Variants in FILIP1 observed in about 807,000 individuals in gnomAD.
FILIP1 encodes the protein filamin-A-interacting protein 1.
Under a neutral mutation model 102.1 loss-of-function variants are expected in FILIP1, and 61 were observed. The observed-to-expected ratio is 0.60, with a 90% confidence interval of 0.49 to 0.74. The LOEUF is 0.74. Ranked by LOEUF, FILIP1 falls within the 30% of genes least tolerant of loss-of-function variation. The probability of loss-of-function intolerance (pLI) is 0.00; values close to 1 mark genes in which losing one functional copy is unlikely to be tolerated. For synonymous variants in FILIP1, 491 were observed against 526.9 expected (o/e 0.93, Z 0.93); for missense variants, 1,314 against 1,441.2 (o/e 0.91, Z 1.43).
intron 2 of FILIP1, among the ~76,000 whole-genome samples, chr6:75,397,038 A>T (rs1776485796): frequency 7.6e-6 from 1 of 132,006 alleles, no homozygotes; most frequent in Non-Finnish European, 1.6e-5. Context: ...GGGGGGAGGG[A>T]TAGCATTAGG....
chr6:75,390,470 C>T (rs774958828), intron 2 of FILIP1, among the ~76,000 whole-genome samples: 8 of 152,084 alleles, frequency 5.3e-5, no homozygotes, highest in Non-Finnish European at 1.0e-4. Flanking sequence ...GTGGCATCTG[C>T]TTTTGGGGAG....
chr6:75,325,387 A>C (rs1266715940), intron 4 of FILIP1, among the ~76,000 whole-genome samples: 1 of 152,196 alleles, frequency 6.6e-6, no homozygotes, highest in African/African-American at 2.4e-5. Flanking sequence ...GCGCCACTGC[A>C]CTCCAGCCTG....
At position 75,313,615 on chromosome 6, in the gene FILIP1, A is replaced by T; in HGVS notation, c.2217T>A (p.Asp739Glu). The T allele has an allele frequency of 6.2e-7, 1 of 1,606,688 alleles. No homozygotes were observed. The highest frequency in any genetic ancestry group is 8.5e-7 in the Non-Finnish European group (1 of 1,178,006). The change falls in exon 5 of 6, where the codon GAT becomes GAA. Residue 739 changes from aspartate (D) to glutamate (E), a missense_variant. Asp to Glu is a conservative substitution (Grantham distance 45). Transcript: ENST00000237172. The surrounding 1 kb of genome is among the most constrained non-coding windows in gnomAD (Gnocchi z 4.2). ...EKIHELMNKEDQLSQLQVDYS... is the reference protein window; with the variant it reads ...EKIHELMNKEEQLSQLQVDYS... ...AATCTACCTGGAGCTGAGAAAGCTGATCTTCTTTGTTCATTAATTCGTGAA... is the reference window on the plus strand; with the variant it reads ...AATCTACCTGGAGCTGAGAAAGCTGTTCTTCTTTGTTCATTAATTCGTGAA...
At chr6:75,490,030 C>A (rs576167727) in intron 1 of FILIP1, among the ~76,000 whole-genome samples, 17 of 151,932 alleles carry the variant, frequency 1.1e-4, no homozygotes, top group Non-Finnish European at 2.4e-4. Context: ...GTGGATTAAA[C>A]AAACTCTGTA....
Position 75,313,417 on chromosome 6 carries a change from G to C in FILIP1, c.2415C>G (p.Val805=). 1 of 1,614,154 alleles carries C rather than the reference G, an allele frequency of 6.2e-7. No individual in the cohort carries two copies. Among genetic ancestry groups the C allele is most frequent in the Non-Finnish European group, 8.5e-7 (1 of 1,180,032 alleles). The part of the protein sequence containing the change: ...MVDVPVTSTG[V]QTDAVSGEAA... ...CTTCACCGCTGACTGCATCAGTTTG[G>C]ACTCCAGTTGACGTCACAGGAACAT... The change falls in exon 5 of 6, where the codon GTC becomes GTG. Residue 805 remains valine (V), a synonymous_variant. Transcript: ENST00000237172. The surrounding 1 kb of genome is among the most constrained non-coding windows in gnomAD (Gnocchi z 4.2).
chr6:75,304,351 A>G (rs1424046687), downstream of FILIP1, among the ~76,000 whole-genome samples: 1 of 152,110 alleles, frequency 6.6e-6, no homozygotes, highest in Non-Finnish European at 1.5e-5. Flanking sequence ...AGCTGGGATT[A>G]AAGGGATGCA....
intron 4 of FILIP1, among the ~76,000 whole-genome samples, chr6:75,321,723 A>G (rs796098514): frequency 1.6e-4 from 24 of 151,978 alleles, no homozygotes; most frequent in African/African-American, 4.8e-4. Context: ...GAACCCGGGA[A>G]GCGGAGCTTG....
intron 6 of FILIP1, among the ~76,000 whole-genome samples, chr6:75,303,018 A>T (rs1231516402): frequency 2.0e-5 from 3 of 152,104 alleles, no homozygotes; most frequent in Non-Finnish European, 4.4e-5. Flanking sequence ...TGGTAGGGGA[A>T]ATGGAGAGGA....
At chr6:75,372,858 T>C (rs1468438999) in intron 2 of FILIP1, among the ~76,000 whole-genome samples, 1 of 151,584 alleles carries the variant, frequency 6.6e-6, no homozygotes, top group Non-Finnish European at 1.5e-5. Context: ...GGTGCACTAG[T>C]GGTAGAAAAG....
rs546144966 is a variant in FILIP1 at position 75,378,538 on chromosome 6, C to T, written c.277-15621G>A. Among the ~76,000 whole-genome samples, 8 of 152,232 alleles carry T rather than the reference C, an allele frequency of 5.3e-5. No homozygotes were observed. The East Asian group carries it at 9.6e-4, about 18-fold the overall frequency. ...GGATTACAAATAAATGTTAGCATCCCGAATCTCTCAGCCTCCTTGTGACTG... is the reference window on the plus strand; with the variant it reads ...GGATTACAAATAAATGTTAGCATCCTGAATCTCTCAGCCTCCTTGTGACTG... On this transcript the variant is annotated intron_variant, in intron 2 of 5. Transcript: ENST00000237172.
chr6:75,401,970 G>C (rs899016862), intron 2 of FILIP1, among the ~76,000 whole-genome samples: 3 of 152,098 alleles, frequency 2.0e-5, no homozygotes, highest in African/African-American at 7.2e-5. Context: ...TTTTCACTGA[G>C]GAAAATGTAG....
At chr6:75,295,686 C>A (rs1251054461) in exon 7 of FILIP1, 2 of 361,814 alleles carry the variant, frequency 5.5e-6, no homozygotes, top group African/African-American at 2.1e-5. Context: ...AAAGAAATTT[C>A]TTTTGGCACA....
intron 1 of FILIP1, among the ~76,000 whole-genome samples, chr6:75,451,993 TAA>T (rs960570187): frequency 3.1e-4 from 47 of 152,284 alleles, no homozygotes; most frequent in Admixed American, 2.2e-3. Flanking sequence ...ACCAGTTGTA[TAA>T]AGAGGTTTAA....
At chr6:75,457,192 AAT>A (rs1468219516) in intron 1 of FILIP1, among the ~76,000 whole-genome samples, 1 of 152,194 alleles carries the variant, frequency 6.6e-6, no homozygotes, top group Non-Finnish European at 1.5e-5. Context: ...TACCAGTGGA[AAT>A]AAAAAAATGC....
At chr6:75,442,436 C>G (rs1338195034) in intron 1 of FILIP1, among the ~76,000 whole-genome samples, 1 of 152,238 alleles carries the variant, frequency 6.6e-6, no homozygotes, top group East Asian at 1.9e-4. Flanking sequence ...GAGCCAAGAT[C>G]ACGCCACTGC....
At chr6:75,438,686 C>A (rs969420874) in intron 1 of FILIP1, among the ~76,000 whole-genome samples, 8 of 151,778 alleles carry the variant, frequency 5.3e-5, no homozygotes, top group Admixed American at 5.2e-4. Context: ...GTACATTCTA[C>A]GTAATCTCCA....
chr6:75,463,117 G>T (rs1328770971), intron 1 of FILIP1, among the ~76,000 whole-genome samples: 1 of 152,212 alleles, frequency 6.6e-6, no homozygotes, highest in African/African-American at 2.4e-5. Context: ...GGACATATCT[G>T]TGAGCAAAGG....
intron 1 of FILIP1, among the ~76,000 whole-genome samples, chr6:75,427,124 T>G (rs1443851486): frequency 6.6e-6 from 1 of 152,096 alleles, no homozygotes; most frequent in Non-Finnish European, 1.5e-5. Context: ...TAATGGAATT[T>G]TGATTTGGTC....
At chr6:75,482,802 C>T (rs78134065) in intron 1 of FILIP1, among the ~76,000 whole-genome samples, 4,412 of 152,236 alleles carry the variant, frequency 0.029, 206 homozygotes, top group African/African-American at 0.099. Flanking sequence ...ATTATGTTCA[C>T]TTCAATCAAT....
Sources: gnomAD v4.1 joint callset for allele counts (sites outside exome capture counted in the v4.1 genomes callset) on GRCh38, gnomAD v4.1.1 for gene constraint, Gnocchi (gnomAD v3.1) non-coding constraint, MANE v1.5 for transcripts, NCBI Gene and HGNC (gene_info 2026-07-23, HGNC 2026-07-21) for gene names.